Variants in SUPT3H observed in about 807,000 individuals in gnomAD.
The protein encoded by SUPT3H is transcription initiation protein SPT3 homolog.
A neutral mutation model predicts 44.3 loss-of-function variants in SUPT3H; 44 were observed. The ratio of observed to expected loss-of-function variants is 0.99; its 90% CI spans 0.78 to 1.28. The LOEUF is 1.28. Among genes scored for constraint, SUPT3H ranks in the 50% most tolerant of loss-of-function variants. The pLI is 0.00. For synonymous variants in SUPT3H, 124 were observed against 125.6 expected (o/e 0.99, Z 0.09); for missense variants, 380 against 387.1 (o/e 0.98, Z 0.15).
chr6:45,210,450 G>A (rs549066285), intron 2 of SUPT3H, among the ~76,000 whole-genome samples: 37 of 152,182 alleles, frequency 2.4e-4, no homozygotes, highest in African/African-American at 7.9e-4. Flanking sequence ...TCAGTAAAAG[G>A]CTAAGAGGCT....
rs1797049773 is a variant in SUPT3H, at chr6:45,377,904, T to C, written c.-137A>G. 7.1e-6 allele frequency: 1 copy of C among 140,370 alleles called. No homozygotes were observed. The highest frequency in any genetic ancestry group is 1.5e-5 in the Non-Finnish European group (1 of 64,982). 8.7% of individuals were successfully genotyped at this position (140,370 alleles called of 1,614,324 possible). The stretch of plus-strand genomic sequence containing the variant: ...GGGGTGGGGGACTGAGAGTGTGGAG[T>C]GTAGAAAGGGAAAAGGTGACTCGGC... On this transcript the variant is annotated 5_prime_UTR_variant, in exon 1 of 11. Transcript: ENST00000371459.
chr6:45,280,463 G>A (rs1411195394), intron 2 of SUPT3H, among the ~76,000 whole-genome samples: 1 of 152,024 alleles, frequency 6.6e-6, no homozygotes, highest in South Asian at 2.1e-4. Flanking sequence ...CCAAGATCAT[G>A]CCACTGCAAA....
At chr6:45,282,728 C>T (rs1298276286) in intron 2 of SUPT3H, among the ~76,000 whole-genome samples, 2 of 152,130 alleles carry the variant, frequency 1.3e-5, no homozygotes, top group African/African-American at 4.8e-5. Flanking sequence ...TCAGGAAATA[C>T]AGAGAACGCC....
At position 45,158,298 on chromosome 6, in the gene SUPT3H, A is replaced by ATATATATATTTTTT; in HGVS notation, c.102-52293_102-52292insAAAAAATATATATA. On this transcript the variant is annotated intron_variant, in intron 2 of 10. Transcript: ENST00000371459. ...TACATATATATATATATATATATATATTTTTTTTTTTTTTTTTTTGAGATG... is the reference window on the plus strand; with the variant it reads ...TACATATATATATATATATATATATATATATATATTTTTTTTTTTTTTTTTTTTTTTTTGAGATG... 5.0e-5 allele frequency among the ~76,000 whole-genome samples: 5 copies of ATATATATATTTTTT among 99,694 alleles called. 1 individual carries two copies. The highest frequency in any genetic ancestry group is 2.5e-4 in the African/African-American group (5 of 19,958). The allele number at this position is 99,694 out of a possible 152,430, so 65.4% of individuals were successfully genotyped here. A position where few individuals can be genotyped will look rare whatever the true frequency, so the allele number is the denominator to read the frequency against.
chr6:45,011,567 ATATAT>A (rs531632125), intron 5 of SUPT3H, among the ~76,000 whole-genome samples: 9 of 151,522 alleles, frequency 5.9e-5, no homozygotes, highest in African/African-American at 9.8e-5. Flanking sequence ...TTACTGTCAA[ATATAT>A]TATATTTCCA....
chr6:45,068,982 A>AT (rs1241196639), intron 3 of SUPT3H, among the ~76,000 whole-genome samples: 9 of 151,622 alleles, frequency 5.9e-5, no homozygotes, highest in Non-Finnish European at 7.4e-5. Context: ...CTTTGCAAAA[A>AT]AAAAAAAATA....
intron 1 of SUPT3H, among the ~76,000 whole-genome samples, chr6:45,374,479 C>G (rs1172094424): frequency 6.6e-6 from 1 of 152,134 alleles, no homozygotes; most frequent in African/African-American, 2.4e-5. Context: ...AGCAGCAGAG[C>G]GAGAACTCAA....
At position 45,152,209 on chromosome 6, in the gene SUPT3H, T is replaced by C. The variant is rs144193352; in HGVS notation, c.102-46203A>G. Among the ~76,000 whole-genome samples the C allele has an allele frequency of 9.8e-4, 149 of 152,266 alleles. 1 individual carries two copies. The highest frequency in any genetic ancestry group is 1.8e-3 in the Non-Finnish European group (122 of 68,016). On this transcript the variant is annotated intron_variant, in intron 2 of 10. Transcript: ENST00000371459. ...CCAAAAGTAGTTCCTCACTATCTCA[T>C]TGGCACCACCATTCCCAATTCTTAA... is the stretch of plus-strand genomic sequence containing the variant.
chr6:45,242,300 A>G (rs563356253), intron 2 of SUPT3H, among the ~76,000 whole-genome samples: 1 of 152,338 alleles, frequency 6.6e-6, no homozygotes, highest in African/African-American at 2.4e-5. Context: ...CAGAGACAAC[A>G]ACTTGAGAGG....
At chr6:44,960,702 A>G (rs1056944429) in intron 7 of SUPT3H, among the ~76,000 whole-genome samples, 3 of 152,194 alleles carry the variant, frequency 2.0e-5, no homozygotes, top group Admixed American at 6.5e-5. Context: ...ATTACAATAC[A>G]AAACCTTTCA....
intron 10 of SUPT3H, among the ~76,000 whole-genome samples, chr6:44,921,427 A>C (rs950389549): frequency 6.6e-6 from 1 of 152,168 alleles, no homozygotes; most frequent in African/African-American, 2.4e-5. Context: ...AACCATTTGC[A>C]AGCTGGTTGT....
chr6:45,049,975 T>A (rs941958381), intron 3 of SUPT3H, among the ~76,000 whole-genome samples: 1 of 152,104 alleles, frequency 6.6e-6, no homozygotes, highest in South Asian at 2.1e-4. Flanking sequence ...AAATATTTGG[T>A]ACCCTCTTTT....
intron 2 of SUPT3H, among the ~76,000 whole-genome samples, chr6:45,303,693 GAAAC>G (rs1265137801): frequency 4.3e-5 from 5 of 115,400 alleles, no homozygotes; most frequent in African/African-American, 1.0e-4. Context: ...AAAAAAAAAA[GAAAC>G]AAACAAAAAA....
At position 44,880,062 on chromosome 6, in the gene SUPT3H, G is replaced by T. The variant is rs534478505; in HGVS notation, c.913-50205C>A. On this transcript the variant is annotated intron_variant, in intron 10 of 10. Coordinates refer to ENST00000371459, the MANE Select transcript of SUPT3H (RefSeq NM_003599.4). ...TCCTCGCCAGCAAGGGAACAAAACT[G>T]GATGGAGAATGAGTTTGACGAACTG... Among the ~76,000 whole-genome samples the T allele has an allele frequency of 2.0e-5, 3 of 152,148 alleles. No individual in the cohort carries two copies. In the Middle Eastern group the frequency reaches 0.01, roughly 518 times the overall value.
intron 10 of SUPT3H, among the ~76,000 whole-genome samples, chr6:44,896,048 C>T (rs1764082183): frequency 1.3e-5 from 2 of 152,084 alleles, no homozygotes; most frequent in Admixed American, 1.3e-4. Flanking sequence ...ATTACAACTT[C>T]TCATTCCATG....
intron 2 of SUPT3H, among the ~76,000 whole-genome samples, chr6:45,135,638 A>G (rs1804157776): frequency 6.6e-6 from 1 of 152,016 alleles, no homozygotes; most frequent in Admixed American, 6.5e-5. Flanking sequence ...CTAAAACCAT[A>G]GCAGTGCCCT....
At chr6:45,249,156 T>C (rs1771916392) in intron 2 of SUPT3H, among the ~76,000 whole-genome samples, 1 of 152,170 alleles carries the variant, frequency 6.6e-6, no homozygotes, top group Admixed American at 6.6e-5. Flanking sequence ...GAATATTTCA[T>C]TTAAATAGTT....
chr6:45,171,775 T>C (rs2153606589), intron 2 of SUPT3H, among the ~76,000 whole-genome samples: 1 of 128,014 alleles, frequency 7.8e-6, no homozygotes, highest in African/African-American at 3.0e-5. Context: ...TGGAGTGCAG[T>C]GGTGTGATCT....
chr6:45,170,960 T>C (rs1172269555), intron 2 of SUPT3H, among the ~76,000 whole-genome samples: 2 of 152,184 alleles, frequency 1.3e-5, no homozygotes, highest in South Asian at 2.1e-4. Context: ...GAACATGGAA[T>C]CTAGAGCCAA....
Sources: gnomAD v4.1 joint callset for allele counts (sites outside exome capture counted in the v4.1 genomes callset) on GRCh38, gnomAD v4.1.1 for gene constraint, MANE v1.5 for transcripts, NCBI Gene and HGNC (gene_info 2026-07-23, HGNC 2026-07-21) for gene names.